LRRC39: variants seen among roughly 807,000 people sequenced by gnomAD.
The protein encoded by LRRC39 is leucine rich repeat containing 39.
In LRRC39, 35 loss-of-function variants were observed where a neutral mutation model predicts 39.7. That is an observed-to-expected ratio of 0.88 (90% CI 0.67 to 1.17). The LOEUF is 1.17. LRRC39 is among the 50% of genes most tolerant of loss of function. The pLI, the probability that LRRC39 is intolerant of heterozygous loss-of-function variation, is 0.00. For synonymous variants in LRRC39, 113 were observed against 134.1 expected (o/e 0.84, Z 1.09); for missense variants, 357 against 385.8 (o/e 0.93, Z 0.62).
At chr1:100,153,729 A>G (rs1024230392) in intron 8 of LRRC39, among the ~76,000 whole-genome samples, 3 of 152,108 alleles carry the variant, frequency 2.0e-5, no homozygotes, top group African/African-American at 7.2e-5. Context: ...GTACTTAGTA[A>G]AAAGTTATAT....
intron 2 of LRRC39, among the ~76,000 whole-genome samples, chr1:100,171,669 G>GTTT (rs747935103): frequency 3.8e-5 from 5 of 132,990 alleles, no homozygotes; most frequent in Admixed American, 1.5e-4. Context: ...TGCCTGGCTT[G>GTTT]TTTTTTTTTT....
intron 1 of LRRC39, among the ~76,000 whole-genome samples, chr1:100,174,504 G>A (rs1327024676): frequency 6.6e-6 from 1 of 151,982 alleles, no homozygotes; most frequent in Non-Finnish European, 1.5e-5. Context: ...TTACCATGTT[G>A]CCCAGGCTGA....
At chr1:100,170,388 CA>C (rs1197018448) in intron 2 of LRRC39, among the ~76,000 whole-genome samples, 1 of 152,110 alleles carries the variant, frequency 6.6e-6, no homozygotes, top group Non-Finnish European at 1.5e-5. Context: ...AGAAGTCAGA[CA>C]CAAAAGACCA....
At chr1:100,178,807 A>G (rs1660113501), upstream of LRRC39, among the ~76,000 whole-genome samples, 1 of 152,078 alleles carries the variant, frequency 6.6e-6, no homozygotes, top group Non-Finnish European at 1.5e-5. Context: ...CAAAAGCTCA[A>G]TCTCCACTCT....
intron 6 of LRRC39, among the ~76,000 whole-genome samples, chr1:100,156,882 G>A (rs1658500133): frequency 1.3e-5 from 2 of 152,106 alleles, no homozygotes; most frequent in South Asian, 4.1e-4. Flanking sequence ...CTACTTAGGA[G>A]GCTGAAGTGG....
intron 9 of LRRC39, among the ~76,000 whole-genome samples, chr1:100,152,017 A>AT (rs1205511871): frequency 2.0e-5 from 3 of 151,890 alleles, no homozygotes; most frequent in Admixed American, 6.6e-5. Flanking sequence ...CCCTAGGTAA[A>AT]TTTTTTTTTC....
intron 5 of LRRC39, 32 bp from the exon 6 acceptor site, chr1:100,158,399 T>G: frequency 6.4e-7 from 1 of 1,561,514 alleles, no homozygotes; most frequent in African/African-American, 1.4e-5. Context: ...AGAGAGGAGT[T>G]GGATATAAAA....
At chr1:100,179,057 G>A (rs1660128486), upstream of LRRC39, among the ~76,000 whole-genome samples, 1 of 152,078 alleles carries the variant, frequency 6.6e-6, no homozygotes, top group Admixed American at 6.5e-5. Flanking sequence ...CTTCACTCAG[G>A]ATATCTTGGA....
Position 100,148,999 on chromosome 1 carries a change from A to G in LRRC39, c.*43T>C. ...ACTTCAGAAATCCAAACATTAGAGA[A>G]TTCACCAAAGTAATCCTCTTTAGAA... On this transcript the variant is annotated 3_prime_UTR_variant, in exon 10 of 10. Transcript: ENST00000370137. 1 of 1,476,000 alleles carries G rather than the reference A, an allele frequency of 6.8e-7. No homozygotes were observed. The highest frequency in any genetic ancestry group is 9.0e-7 in the Non-Finnish European group (1 of 1,106,224). 91.4% of individuals were successfully genotyped at this position (1,476,000 alleles called of 1,614,324 possible).
At chr1:100,151,954 AAAACAAAC>A (rs369396255) in intron 9 of LRRC39, among the ~76,000 whole-genome samples, 39 of 152,152 alleles carry the variant, frequency 2.6e-4, no homozygotes, top group East Asian at 5.8e-4. Context: ...TCATCTCTTT[AAAACAAAC>A]AAACAAACAA....
chr1:100,175,693 A>T (rs1659911129), intron 1 of LRRC39, among the ~76,000 whole-genome samples: 1 of 152,228 alleles, frequency 6.6e-6, no homozygotes, highest in Non-Finnish European at 1.5e-5. Flanking sequence ...CAGCTGAAAA[A>T]GGCAACAGAA....
At chr1:100,149,566 T>G in intron 9 of LRRC39, 2 of 808,846 alleles carry the variant, frequency 2.5e-6, no homozygotes, top group South Asian at 4.1e-5. Flanking sequence ...ATTAGCTATC[T>G]CATATCTTTT....
intron 2 of LRRC39, among the ~76,000 whole-genome samples, chr1:100,171,596 G>A (rs1195188393): frequency 6.7e-6 from 1 of 149,584 alleles, no homozygotes; most frequent in East Asian, 2.0e-4. Flanking sequence ...TCAAACTCCA[G>A]GACTTAAGTA....
intron 8 of LRRC39, among the ~76,000 whole-genome samples, chr1:100,154,789 G>A (rs1234259854): frequency 6.6e-6 from 1 of 152,114 alleles, no homozygotes; most frequent in African/African-American, 2.4e-5. Context: ...AAAGACCTTT[G>A]ATAAACATCT....
At chr1:100,156,655 G>T (rs1426156125) in intron 6 of LRRC39, among the ~76,000 whole-genome samples, 1 of 152,086 alleles carries the variant, frequency 6.6e-6, no homozygotes, top group African/African-American at 2.4e-5. Context: ...GTTGAGAATT[G>T]TATGGGAAAA....
rs780164075 is a variant in LRRC39, at chr1:100,152,337, TTACTC to T, written c.952+43_952+47del. On this transcript the variant is annotated intron_variant, in intron 9 of 9. Transcript: ENST00000370137. ...AAGGCAGCAGTTAGTGATACACACA[TTACTC>T]TACCAAAAAACATTTAATCTGTGTT... 3.2e-5 allele frequency: 50 copies of T among 1,580,020 alleles called. No homozygotes were observed. The South Asian group carries it at 4.7e-4, about 15-fold the overall frequency.
intron 2 of LRRC39, 96 bp from the exon 3 acceptor site, chr1:100,168,690 C>A: frequency 1.9e-6 from 1 of 528,010 alleles, no homozygotes; most frequent in Non-Finnish European, 3.3e-6. Context: ...ATTCCATGCT[C>A]CAAAAACTAT....
intron 2 of LRRC39, 57 bp from the exon 3 acceptor site, chr1:100,168,651 GATC>G: frequency 1.6e-6 from 1 of 623,384 alleles, no homozygotes; most frequent in South Asian, 2.0e-5. Context: ...GTACCATAAT[GATC>G]ATAATAGCTA....
At chr1:100,168,267 C>CTT in intron 3 of LRRC39, 137 bp downstream of exon 3, 1 of 686,572 alleles carries the variant, frequency 1.5e-6, no homozygotes, top group Non-Finnish European at 2.4e-6. Flanking sequence ...CAGCTGTTTT[C>CTT]TTTAAGTATA....
Sources: gnomAD v4.1 joint callset for allele counts (sites outside exome capture counted in the v4.1 genomes callset) on GRCh38, gnomAD v4.1.1 for gene constraint, MANE v1.5 for transcripts, NCBI Gene and HGNC (gene_info 2026-07-23, HGNC 2026-07-21) for gene names.